Variants in PIP4K2B observed in about 807,000 individuals in gnomAD.
PIP4K2B encodes phosphatidylinositol-5-phosphate 4-kinase type 2 beta, also known as phosphatidylinositol 5-phosphate 4-kinase type-2 beta.
A neutral mutation model predicts 42.0 loss-of-function variants in PIP4K2B; 3 were observed. The observed-to-expected ratio is 0.07, with a 90% CI of 0.03 to 0.18. The LOEUF is 0.18. Among genes scored for constraint, PIP4K2B ranks in the 10% least tolerant of loss-of-function variants. The probability of loss-of-function intolerance (pLI) is 1.00; values close to 1 mark genes in which losing one functional copy is unlikely to be tolerated. For missense variants in PIP4K2B, 332 were observed against 562.3 expected, an observed-to-expected ratio of 0.59 and a Z score of 4.14; for synonymous variants, 204 against 210.1, an observed-to-expected ratio of 0.97 and a Z score of 0.25.
chr17:38,784,251 C>T lies in PIP4K2B; in HGVS notation c.346G>A (p.Asp116Asn), dbSNP rs752420659. 1.6e-5 allele frequency: 25 copies of T among 1,605,104 alleles called. No homozygotes were observed. The highest frequency in any genetic ancestry group is 2.0e-5 in the Non-Finnish European group (24 of 1,171,902). The change falls in exon 3 of 10, where the codon GAT becomes AAT. Residue 116 changes from aspartate to asparagine, a missense_variant. This residue lies in a region of PIP4K2B where 186 missense variants were observed against 288.4 expected (regional missense o/e 0.64). Transcript: ENST00000619039. The part of the protein sequence containing the change: ...LRERFGIDDQ[D>N]YQNSVTRSAP... ...GCCAGGAGCCTCCATACCTGGTAATCCTGATCATCAATTCCAAACCTCTCC... is the reference window on the plus strand; with the variant it reads ...GCCAGGAGCCTCCATACCTGGTAATTCTGATCATCAATTCCAAACCTCTCC...
intron 7 of PIP4K2B, among the ~76,000 whole-genome samples, chr17:38,772,479 G>A (rs1362624816): frequency 6.6e-6 from 1 of 152,148 alleles, no homozygotes; most frequent in Admixed American, 6.5e-5. Context: ...CACTATAGTT[G>A]TATCACAGTG....
At position 38,799,382 on chromosome 17, in the gene PIP4K2B, G is replaced by GCGCCAC. The variant is rs757860014; in HGVS notation, c.37_42dup (p.Val13_Ala14dup). On this transcript the variant is annotated inframe_insertion, in exon 1 of 10. Transcript: ENST00000619039. The surrounding 1 kb of genome is among the most constrained non-coding windows in gnomAD (Gnocchi z 4.4). ...GTCTTGGTCTTGCTGGCGCTGAGCG[G>GCGCCAC]CGCCACCGCCACCGCCGTGGTGCTG... The GCGCCAC allele has an allele frequency of 3.7e-6, 6 of 1,606,038 alleles. No individual in the cohort carries two copies. The highest frequency in any genetic ancestry group is 3.4e-5 in the Admixed American group (2 of 59,600).
At chr17:38,779,293 G>C in intron 5 of PIP4K2B, 90 bp downstream of exon 5, 1 of 1,299,362 alleles carries the variant, frequency 7.7e-7, no homozygotes, top group South Asian at 1.3e-5. Context: ...ATAGGCTCCA[G>C]CTTCCCAATT....
Position 38,799,065 on chromosome 17 carries a change from CCA to C in PIP4K2B, c.159+199_159+200del, listed in dbSNP as rs1334643005. Among the ~76,000 whole-genome samples, 1 of 152,142 alleles carries C rather than the reference CCA, an allele frequency of 6.6e-6. No individual in the cohort carries two copies. The highest frequency in any genetic ancestry group is 2.4e-5 in the African/African-American group (1 of 41,438). ...GGGAAGGGGAGGTGGCGACGGCAGA[CCA>C]CAGAGACACCAGGCCTCGCGTGGCG... is the stretch of plus-strand genomic sequence containing the variant. On this transcript the variant is annotated intron_variant, in intron 1 of 9. Transcript: ENST00000619039. This position sits in a 1 kb window ranked among gnomAD's most constrained non-coding sequence, Gnocchi z 4.4.
At chr17:38,778,483 G>A (rs1292127354) in intron 5 of PIP4K2B, 111 bp from the exon 6 acceptor site, 2 of 909,880 alleles carry the variant, frequency 2.2e-6, no homozygotes, top group Non-Finnish European at 3.7e-6. Flanking sequence ...GAGTCCTAGA[G>A]GGGCCAGGAG....
intron 4 of PIP4K2B, 50 bp from the exon 5 acceptor site, chr17:38,779,579 G>A (rs750313442): frequency 2.6e-6 from 4 of 1,551,756 alleles, no homozygotes; most frequent in Non-Finnish European, 3.6e-6. Context: ...GCAGTGCCAG[G>A]GATGGATGGG....
intron 3 of PIP4K2B, among the ~76,000 whole-genome samples, chr17:38,780,945 A>G (rs1187683274): frequency 6.6e-6 from 1 of 152,132 alleles, no homozygotes; most frequent in Non-Finnish European, 1.5e-5. Flanking sequence ...CTGGACTCTC[A>G]CACGCACTAT....
At chr17:38,795,798 C>A (rs1282209901) in intron 1 of PIP4K2B, among the ~76,000 whole-genome samples, 3 of 150,744 alleles carry the variant, frequency 2.0e-5, no homozygotes, top group African/African-American at 7.3e-5. Flanking sequence ...CCAGTAAGTA[C>A]ATGAAAAAAT....
At chr17:38,795,968 G>A (rs1910638897) in intron 1 of PIP4K2B, among the ~76,000 whole-genome samples, 1 of 151,726 alleles carries the variant, frequency 6.6e-6, no homozygotes, top group South Asian at 2.1e-4. Flanking sequence ...GTGAAACCTT[G>A]TCTCTACTAA....
intron 7 of PIP4K2B, among the ~76,000 whole-genome samples, chr17:38,772,890 T>A (rs1909122404): frequency 6.6e-6 from 1 of 152,034 alleles, no homozygotes. Context: ...CAGCTTTAAG[T>A]GAAAAGGTGA....
intron 7 of PIP4K2B, among the ~76,000 whole-genome samples, chr17:38,774,153 G>C (rs1909188552): frequency 6.6e-6 from 1 of 152,236 alleles, no homozygotes; most frequent in Non-Finnish European, 1.5e-5. Flanking sequence ...GTATATGCCA[G>C]CTGGACTGGG....
At position 38,767,368 on chromosome 17, in the gene PIP4K2B, T is replaced by C. The variant is rs1908758285; in HGVS notation, c.*2323A>G. 6.7e-6 allele frequency: 1 copy of C among 150,332 alleles called. No individual in the cohort carries two copies. Among genetic ancestry groups the C allele is most frequent in the East Asian group, 2.0e-4 (1 of 5,074 alleles). The allele number at this position is 150,332 out of a possible 1,614,324, so 9.3% of individuals were successfully genotyped here. A position where few individuals can be genotyped will look rare whatever the true frequency, so the allele number is the denominator to read the frequency against. On this transcript the variant is annotated 3_prime_UTR_variant, in exon 10 of 10. Transcript: ENST00000619039. ...GGGGCCAAACTCAAGGTTTTGAAGATAGCACAGCGAATGACCTTTAAAAAA... is the reference window on the plus strand; with the variant it reads ...GGGGCCAAACTCAAGGTTTTGAAGACAGCACAGCGAATGACCTTTAAAAAA...
chr17:38,796,129 C>G (rs1910649926), intron 1 of PIP4K2B, among the ~76,000 whole-genome samples: 1 of 152,174 alleles, frequency 6.6e-6, no homozygotes, highest in South Asian at 2.1e-4. Context: ...CGGAGTGAGA[C>G]TCCATCACAA....
intron 2 of PIP4K2B, among the ~76,000 whole-genome samples, chr17:38,786,286 C>T (rs564697233): frequency 2.1e-4 from 32 of 152,192 alleles, no homozygotes; most frequent in Non-Finnish European, 3.7e-4. Flanking sequence ...GCTAGTGTTT[C>T]CAACAATATC....
At position 38,792,799 on chromosome 17, in the gene PIP4K2B, C is replaced by T. The variant is rs370127273; in HGVS notation, c.160-5879G>A. ...AGGGCCACAGGAGCCAATAAATCTA[C>T]CGGTGTTTACTCCTCCTTTCCATAT... is the stretch of plus-strand genomic sequence containing the variant. On this transcript the variant is annotated intron_variant, in intron 1 of 9. Coordinates refer to ENST00000619039, the MANE Select transcript of PIP4K2B (RefSeq NM_003559.5). 11 of 152,388 alleles carry T rather than the reference C, an allele frequency of 7.2e-5. No individual in the cohort carries two copies. The East Asian group carries it at 1.2e-3, about 16-fold the overall frequency. 9.4% of individuals were successfully genotyped at this position (152,388 alleles called of 1,614,324 possible).
intron 9 of PIP4K2B, among the ~76,000 whole-genome samples, 181 bp downstream of exon 9, chr17:38,770,255 G>A (rs1408949244): frequency 6.6e-6 from 1 of 152,184 alleles, no homozygotes; most frequent in African/African-American, 2.4e-5. Context: ...GGAGCAGGTG[G>A]GTGAAGGCAG....
In PIP4K2B at chr17:38,768,667, GAAGT is replaced by G. The variant is rs960132613; in HGVS notation, c.*1020_*1023del. The G allele has an allele frequency of 9.9e-5, 15 of 150,904 alleles. No homozygotes were observed. Among genetic ancestry groups the G allele is most frequent in the African/African-American group, 3.2e-4 (13 of 40,174 alleles). The allele number at this position is 150,904 out of a possible 1,614,324, so 9.3% of individuals were successfully genotyped here. On this transcript the variant is annotated 3_prime_UTR_variant, in exon 10 of 10. Coordinates refer to ENST00000619039, the MANE Select transcript of PIP4K2B (RefSeq NM_003559.5). ...CTGCCCAGAGCTAAGAGTTCGGCTA[GAAGT>G]AAGAGTGCCTGGGAGGAGGTCAGAA...
intron 4 of PIP4K2B, chr17:38,779,997 A>G (rs1249574163): frequency 2.8e-5 from 5 of 179,064 alleles, no homozygotes; most frequent in South Asian, 3.2e-4. Context: ...GGTTTCTGCC[A>G]TAACTCCTGA....
chr17:38,777,135 G>A (rs1909403800), intron 7 of PIP4K2B, among the ~76,000 whole-genome samples: 1 of 152,184 alleles, frequency 6.6e-6, no homozygotes, highest in Non-Finnish European at 1.5e-5. Flanking sequence ...TGAGACCACA[G>A]CTCACTGCAG....
Sources: gnomAD v4.1 joint callset for allele counts (sites outside exome capture counted in the v4.1 genomes callset) on GRCh38, gnomAD v4.1.1 for gene constraint, gnomAD v4.1.1 regional missense constraint, Gnocchi (gnomAD v3.1) non-coding constraint, MANE v1.5 for transcripts, NCBI Gene and HGNC (gene_info 2026-07-23, HGNC 2026-07-21) for gene names.